PDCD6: variants seen among roughly 807,000 people sequenced by gnomAD.
The protein encoded by PDCD6 is programmed cell death protein 6.
PDCD6 carries 12 observed loss-of-function variants against 28.3 expected under a neutral mutation model. That is an observed-to-expected ratio of 0.42 (90% CI 0.27 to 0.69). The LOEUF (loss-of-function observed/expected upper bound fraction) is 0.69. PDCD6 is among the 30% of genes least tolerant of loss of function. PDCD6 has a pLI of 0.22. For synonymous variants in PDCD6, 92 were observed against 108.0 expected (o/e 0.85, Z 0.92); for missense variants, 226 against 269.9 (o/e 0.84, Z 1.14).
intron 2 of PDCD6, among the ~76,000 whole-genome samples, chr5:284,469 C>A (rs1450034064): frequency 6.6e-6 from 1 of 152,090 alleles, no homozygotes; most frequent in Non-Finnish European, 1.5e-5. Flanking sequence ...GTTTGAGGGC[C>A]GGGTAGCTGA....
intron 2 of PDCD6, among the ~76,000 whole-genome samples, chr5:288,366 C>G (rs999180182): frequency 6.7e-6 from 1 of 148,498 alleles, no homozygotes; most frequent in Non-Finnish European, 1.5e-5. Flanking sequence ...ACAATAAAAT[C>G]TGGAAACCAG....
intron 2 of PDCD6, among the ~76,000 whole-genome samples, chr5:284,992 G>A (rs1448287542): frequency 1.3e-5 from 2 of 149,076 alleles, no homozygotes; most frequent in Non-Finnish European, 3.0e-5. Context: ...CTGGAACATC[G>A]GTTCCCATCC....
chr5:299,647 T>C (rs1739905486), intron 2 of PDCD6, among the ~76,000 whole-genome samples: 1 of 152,024 alleles, frequency 6.6e-6, no homozygotes, highest in African/African-American at 2.4e-5. Context: ...CCTCCCGGGT[T>C]CACGCCATTC....
In PDCD6 at chr5:314,744, G is replaced by T; in HGVS notation, c.*229G>T. Reference sequence around the variant, plus strand: ...TTGGATTTGGTGACTGTCTCATTGTGCCATGAGGTAAATGTAATGTTTCAG... The same window carrying T: ...TTGGATTTGGTGACTGTCTCATTGTTCCATGAGGTAAATGTAATGTTTCAG... On this transcript the variant is annotated 3_prime_UTR_variant, in exon 6 of 6. Coordinates refer to ENST00000264933, the MANE Select transcript of PDCD6 (RefSeq NM_013232.4). 1.6e-6 allele frequency: 1 copy of T among 623,916 alleles called. No individual in the cohort carries two copies. The highest frequency in any genetic ancestry group is 3.0e-6 in the Non-Finnish European group (1 of 337,974). The allele number at this position is 623,916 out of a possible 1,614,324, so 38.6% of individuals were successfully genotyped here. A position where few individuals can be genotyped will look rare whatever the true frequency, so the allele number is the denominator to read the frequency against.
chr5:271,706 C>G lies in PDCD6; in HGVS notation c.-15C>G. On this transcript the variant is annotated 5_prime_UTR_variant, in exon 1 of 6. Coordinates refer to ENST00000264933, the MANE Select transcript of PDCD6 (RefSeq NM_013232.4). ...GTCGCTGCAGGCGCCTCAGCCCAGC[C>G]GCGTGCCTTGGCCCATGGCCGCCTA... 1.3e-6 allele frequency: 2 copies of G among 1,493,408 alleles called. No individual in the cohort carries two copies. Among genetic ancestry groups the G allele is most frequent in the South Asian group, 1.2e-5 (1 of 84,390 alleles). The allele number at this position is 1,493,408 out of a possible 1,614,324, so 92.5% of individuals were successfully genotyped here.
At chr5:306,506 C>CTGA in intron 3 of PDCD6, 96 bp from the exon 4 acceptor site, 3 of 1,337,154 alleles carry the variant, frequency 2.2e-6, no homozygotes, top group Non-Finnish European at 3.2e-6. Context: ...AGCAGTGGGG[C>CTGA]CCCGCCAGGC....
chr5:286,953 T>TA (rs1330185870), intron 2 of PDCD6, among the ~76,000 whole-genome samples: 1 of 151,672 alleles, frequency 6.6e-6, no homozygotes, highest in Non-Finnish European at 1.5e-5. Flanking sequence ...GATCTGGAGA[T>TA]ACAGTGGGGA....
chr5:313,615 C>G (rs1027087057), intron 5 of PDCD6: 2 of 152,222 alleles, frequency 1.3e-5, no homozygotes, highest in East Asian at 3.9e-4. Flanking sequence ...CGAGAGTCAC[C>G]ACACCCTGTC....
At chr5:311,767 C>A (rs1740934819) in intron 5 of PDCD6, 1 of 235,436 alleles carries the variant, frequency 4.2e-6, no homozygotes, top group Non-Finnish European at 8.3e-6. Flanking sequence ...GATCCCGGCT[C>A]ACTCCCACCT....
intron 2 of PDCD6, chr5:289,447 C>T (rs183700478): frequency 1.9e-5 from 13 of 696,236 alleles, no homozygotes; most frequent in Middle Eastern, 2.5e-4. Flanking sequence ...TACGCGCTGC[C>T]GGGTACAACG....
chr5:271,646 A>C lies in PDCD6; in HGVS notation c.-75A>C. The C allele has an allele frequency of 1.2e-6, 1 of 835,628 alleles. No individual in the cohort carries two copies. The highest frequency in any genetic ancestry group is 2.0e-6 in the Non-Finnish European group (1 of 511,616). 51.8% of individuals were successfully genotyped at this position (835,628 alleles called of 1,614,324 possible). A position where few individuals can be genotyped will look rare whatever the true frequency, so the allele number is the denominator to read the frequency against. ...GATAATGCCAGGCCCTGCCCCCGGC[A>C]GAGGCGGAAGCGGAGTCGGCCTGAG... On this transcript the variant is annotated 5_prime_UTR_variant, in exon 1 of 6. Transcript: ENST00000264933.
chr5:286,651 C>T (rs1473638658), intron 2 of PDCD6, among the ~76,000 whole-genome samples: 2 of 150,160 alleles, frequency 1.3e-5, no homozygotes, highest in African/African-American at 4.9e-5. Flanking sequence ...CATCTTGAGA[C>T]TCGGGGAGGT....
chr5:283,779 A>G (rs1738749029), intron 2 of PDCD6, among the ~76,000 whole-genome samples: 1 of 151,488 alleles, frequency 6.6e-6, no homozygotes, highest in African/African-American at 2.4e-5. Context: ...TTGCAGCTGC[A>G]GACCCATAGA....
At chr5:272,011 C>CCCCCGT (rs1428919616) in intron 1 of PDCD6, among the ~76,000 whole-genome samples, 190 bp downstream of exon 1, 1 of 151,632 alleles carries the variant, frequency 6.6e-6, no homozygotes, top group East Asian at 1.9e-4. Flanking sequence ...GACGCGGCCG[C>CCCCCGT]CCCCGTCCCC....
At chr5:302,758 A>C (rs1157636228) in intron 2 of PDCD6, among the ~76,000 whole-genome samples, 2 of 149,854 alleles carry the variant, frequency 1.3e-5, no homozygotes, top group African/African-American at 5.0e-5. Flanking sequence ...GCTTCCCTGC[A>C]TAACTGCTGG....
chr5:275,038 C>T (rs768537365), intron 2 of PDCD6, among the ~76,000 whole-genome samples: 1 of 124,370 alleles, frequency 8.0e-6, no homozygotes, highest in Non-Finnish European at 1.7e-5. Flanking sequence ...TAGGCGCCCC[C>T]CTTTACCTTG....
chr5:303,651 A>G (rs192477270), intron 2 of PDCD6, among the ~76,000 whole-genome samples: 6 of 151,914 alleles, frequency 3.9e-5, no homozygotes, highest in African/African-American at 1.5e-4. Flanking sequence ...TAGGATGATT[A>G]CTGAGGGAGA....
chr5:301,911 G>C (rs1301256942), intron 2 of PDCD6, among the ~76,000 whole-genome samples: 1 of 150,002 alleles, frequency 6.7e-6, no homozygotes, highest in East Asian at 2.0e-4. Context: ...AGGTGCACCT[G>C]CCTTTGTGGG....
intron 2 of PDCD6, among the ~76,000 whole-genome samples, chr5:302,080 G>GTC (rs1554007703): frequency 4.0e-4 from 39 of 98,258 alleles, no homozygotes; most frequent in African/African-American, 1.3e-3. Flanking sequence ...CTGTGTGTGT[G>GTC]TGTGTGTGTG....
Sources: gnomAD v4.1 joint callset for allele counts (sites outside exome capture counted in the v4.1 genomes callset) on GRCh38, gnomAD v4.1.1 for gene constraint, MANE v1.5 for transcripts, NCBI Gene and HGNC (gene_info 2026-07-23, HGNC 2026-07-21) for gene names.